Variants in DCDC1 observed in about 807,000 individuals in gnomAD.
DCDC1 encodes the protein doublecortin domain-containing protein 1.
A neutral mutation model predicts 178.3 loss-of-function variants in DCDC1; 200 were observed. The ratio of observed to expected loss-of-function variants is 1.12; its 90% CI spans 1.00 to 1.26. DCDC1 has a LOEUF of 1.26. Among genes scored for constraint, DCDC1 ranks in the 50% most tolerant of loss-of-function variants. DCDC1 has a pLI of 0.00. For synonymous variants in DCDC1, 690 were observed against 604.8 expected, an observed-to-expected ratio of 1.14 and a Z score of -2.07; for missense variants, 1,983 against 1,749.2, an observed-to-expected ratio of 1.13 and a Z score of -2.38.
intron 20 of DCDC1, among the ~76,000 whole-genome samples, chr11:30,958,511 A>T (rs1000253684): frequency 6.6e-6 from 1 of 152,174 alleles, no homozygotes; most frequent in African/African-American, 2.4e-5. Context: ...AGTTGGCATC[A>T]GAGAATGAAA....
rs1313934154 is a variant in DCDC1 at position 30,909,031 on chromosome 11, G to A, written c.3833C>T (p.Thr1278Ile). 6.2e-7 allele frequency: 1 copy of A among 1,612,654 alleles called. No individual in the cohort carries two copies. The highest frequency in any genetic ancestry group is 1.3e-5 in the African/African-American group (1 of 74,980). Residue 1278 changes from threonine to isoleucine, a missense_variant, in exon 29 of 39, where the codon ACT becomes ATT. Coordinates refer to ENST00000684477, the MANE Select transcript of DCDC1 (RefSeq NM_001387274.1). ...TGATGTAATTTCCTTATCCAAGGCA[G>A]TGCTATGAAAGGCCACAAGTGCTTT... Reference protein sequence around the residue: ...NIKALVAFHSTALDKEITSAN... With the variant: ...NIKALVAFHSIALDKEITSAN...
intron 9 of DCDC1, among the ~76,000 whole-genome samples, chr11:31,171,477 G>A (rs1967236080): frequency 6.6e-6 from 1 of 152,116 alleles, no homozygotes; most frequent in African/African-American, 2.4e-5. Context: ...CAACCTACAT[G>A]TCTATTATAG....
chr11:31,112,248 A>T (rs2135812246), intron 11 of DCDC1, among the ~76,000 whole-genome samples: 1 of 152,292 alleles, frequency 6.6e-6, no homozygotes, highest in South Asian at 2.1e-4. Flanking sequence ...GCTCTATATT[A>T]ATATGCCTAT....
chr11:31,024,174 T>C (rs1953074853), intron 20 of DCDC1, among the ~76,000 whole-genome samples: 1 of 152,032 alleles, frequency 6.6e-6, no homozygotes, highest in African/African-American at 2.4e-5. Context: ...TCTCATAGAA[T>C]ATTATAACAT....
At chr11:30,885,677 C>T (rs1943101190) in intron 36 of DCDC1, among the ~76,000 whole-genome samples, 1 of 151,980 alleles carries the variant, frequency 6.6e-6, no homozygotes, top group South Asian at 2.1e-4. Flanking sequence ...AATTTTGTTG[C>T]AGTGCTGTTG....
rs1376050554 is a variant in DCDC1 at position 31,103,739 on chromosome 11, G to A, written c.1782C>T (p.Thr594=). ...RSPLNLALGL[T]FDRVSAFARG... is the part of the protein sequence containing the mutation. ...TGGCAAATGCACTCACTCGGTCAAA[G>A]GTCAAACCCAAAGCAAGATTTAGTG... is the stretch of plus-strand genomic sequence containing the variant. The change falls in exon 14 of 39, where the codon ACC becomes ACT. Residue 594 remains threonine (T), a synonymous_variant. Transcript: ENST00000684477. 2 of 764,954 alleles carry A rather than the reference G, an allele frequency of 2.6e-6. No homozygotes were observed. Among genetic ancestry groups the A allele is most frequent in the Admixed American group, 1.7e-5 (1 of 58,608 alleles). 47.4% of individuals were successfully genotyped at this position (764,954 alleles called of 1,614,324 possible). A position where few individuals can be genotyped will look rare whatever the true frequency, so the allele number is the denominator to read the frequency against.
At chr11:31,187,120 G>A (rs533189970) in intron 9 of DCDC1, among the ~76,000 whole-genome samples, 2 of 152,298 alleles carry the variant, frequency 1.3e-5, no homozygotes, top group East Asian at 3.9e-4. Context: ...TATCCAGAAT[G>A]TAAAAATTTG....
intron 11 of DCDC1, 23 bp downstream of exon 11, chr11:31,127,446 G>C (rs1346678297): frequency 1.4e-6 from 1 of 698,870 alleles, no homozygotes; most frequent in Non-Finnish European, 2.6e-6. Flanking sequence ...TGAATCCAAT[G>C]AGAGGCACAG....
At chr11:30,911,300 A>G in intron 28 of DCDC1, 27 bp downstream of exon 28, 3 of 1,541,738 alleles carry the variant, frequency 1.9e-6, no homozygotes, top group Non-Finnish European at 2.7e-6. Flanking sequence ...AAAGGCCATG[A>G]CTAATCTTTA....
At chr11:31,047,895 A>G (rs1020473778) in intron 20 of DCDC1, among the ~76,000 whole-genome samples, 4 of 152,204 alleles carry the variant, frequency 2.6e-5, no homozygotes, top group Non-Finnish European at 4.4e-5. Flanking sequence ...CAGATTCTTT[A>G]AAGACAGGAA....
At chr11:31,312,237 T>C (rs1205804154) in intron 3 of DCDC1, among the ~76,000 whole-genome samples, 2 of 152,204 alleles carry the variant, frequency 1.3e-5, no homozygotes, top group Admixed American at 1.3e-4. Context: ...ACAATACTAA[T>C]AGCTAATGCC....
intron 9 of DCDC1, among the ~76,000 whole-genome samples, chr11:31,227,643 A>C (rs1045146939): frequency 2.0e-5 from 3 of 152,174 alleles, no homozygotes; most frequent in Non-Finnish European, 4.4e-5. Flanking sequence ...AAGATAAAAT[A>C]ATTAAACCCA....
At chr11:31,214,219 A>T (rs1202998660) in intron 9 of DCDC1, among the ~76,000 whole-genome samples, 1 of 152,188 alleles carries the variant, frequency 6.6e-6, no homozygotes, top group African/African-American at 2.4e-5. Context: ...AAATGTGTGC[A>T]TATATAATCT....
rs1220570967 is a variant in DCDC1 at position 30,905,166 on chromosome 11, T to G, written c.4105-2A>C. ...AGCCTTGTCACACGACAAATCAACC[T>G]AATTTTTTAAAAAATAAATTGTACA... On this transcript the variant is annotated splice_acceptor_variant, in intron 30 of 38. Coordinates refer to ENST00000684477, the MANE Select transcript of DCDC1 (RefSeq NM_001387274.1). LOFTEE classifies it high-confidence loss of function. The G allele has an allele frequency of 6.4e-7, 1 of 1,567,926 alleles. No individual in the cohort carries two copies.
intron 9 of DCDC1, among the ~76,000 whole-genome samples, chr11:31,176,855 G>A (rs1256977871): frequency 6.6e-6 from 1 of 152,172 alleles, no homozygotes; most frequent in African/African-American, 2.4e-5. Flanking sequence ...GGCAAACACT[G>A]AGGGAATTCA....
At chr11:31,107,257 C>T (rs748261477) in intron 12 of DCDC1, among the ~76,000 whole-genome samples, 32 of 152,128 alleles carry the variant, frequency 2.1e-4, no homozygotes, top group Non-Finnish European at 2.8e-4. Flanking sequence ...GAGCATTTAG[C>T]TTCTACACAT....
At chr11:31,048,184 A>C (rs1954988098) in intron 20 of DCDC1, among the ~76,000 whole-genome samples, 1 of 152,224 alleles carries the variant, frequency 6.6e-6, no homozygotes, top group African/African-American at 2.4e-5. Flanking sequence ...CAGAGATGTC[A>C]GGAAGTTATG....
chr11:30,958,174 G>A (rs1326667187), intron 20 of DCDC1, among the ~76,000 whole-genome samples: 1 of 152,170 alleles, frequency 6.6e-6, no homozygotes, highest in African/African-American at 2.4e-5. Flanking sequence ...TTCACCTGCT[G>A]ATCAGAAGCC....
At chr11:30,895,969 A>G (rs542778552) in intron 34 of DCDC1, among the ~76,000 whole-genome samples, 3 of 152,332 alleles carry the variant, frequency 2.0e-5, no homozygotes, top group African/African-American at 7.2e-5. Context: ...TTTATCATTT[A>G]TACTGCTGAG....
Sources: gnomAD v4.1 joint callset for allele counts (sites outside exome capture counted in the v4.1 genomes callset) on GRCh38, gnomAD v4.1.1 for gene constraint, MANE v1.5 for transcripts, NCBI Gene and HGNC (gene_info 2026-07-23, HGNC 2026-07-21) for gene names.